CPQ: variants seen among roughly 807,000 people sequenced by gnomAD.
CPQ encodes the protein carboxypeptidase Q, also known as Ser-Met dipeptidase.
CPQ carries 37 observed loss-of-function variants against 45.7 expected under a neutral mutation model. That is an observed-to-expected ratio of 0.81 (90% CI 0.62 to 1.07). CPQ has a LOEUF of 1.07. CPQ is among the 50% of genes least tolerant of loss of function. The pLI is 0.00. For missense variants in CPQ, 537 were observed against 572.9 expected, an observed-to-expected ratio of 0.94 and a Z score of 0.64; for synonymous variants, 186 against 205.8, an observed-to-expected ratio of 0.90 and a Z score of 0.82.
chr8:97,111,473 G>A (rs1269844876), intron 7 of CPQ, among the ~76,000 whole-genome samples: 2 of 152,160 alleles, frequency 1.3e-5, no homozygotes, highest in Admixed American at 6.5e-5. Context: ...TACCCCAGAT[G>A]TCTGTGGCCA....
intron 1 of CPQ, among the ~76,000 whole-genome samples, chr8:96,668,685 G>T (rs1201365392): frequency 6.6e-6 from 1 of 152,082 alleles, no homozygotes; most frequent in Non-Finnish European, 1.5e-5. Flanking sequence ...AAAAACCCTT[G>T]ACATTATATA....
intron 3 of CPQ, among the ~76,000 whole-genome samples, chr8:96,870,449 G>C (rs1476657293): frequency 6.6e-6 from 1 of 151,914 alleles, no homozygotes; most frequent in African/African-American, 2.4e-5. Context: ...CATTTTTATT[G>C]CTACTAATAG....
chr8:97,096,054 G>GGAT (rs59275267), intron 7 of CPQ, among the ~76,000 whole-genome samples: 10,428 of 151,484 alleles, frequency 0.069, 425 homozygotes, highest in African/African-American at 0.099. Context: ...GTTGTGGTGG[G>GGAT]GATGATGATG....
At chr8:96,924,530 A>AT (rs143774648) in intron 4 of CPQ, among the ~76,000 whole-genome samples, 4,173 of 151,732 alleles carry the variant, frequency 0.028, 155 homozygotes, top group African/African-American at 0.084. Flanking sequence ...TTGTGCATTG[A>AT]TTTTTTTTTA....
intron 7 of CPQ, among the ~76,000 whole-genome samples, chr8:97,122,767 C>A (rs1333716178): frequency 1.3e-5 from 2 of 150,858 alleles, no homozygotes. Flanking sequence ...CACCTGTAAT[C>A]CCAGCTTCTC....
At chr8:96,664,855 C>T (rs1359935266) in intron 1 of CPQ, among the ~76,000 whole-genome samples, 1 of 152,196 alleles carries the variant, frequency 6.6e-6, no homozygotes, top group Non-Finnish European at 1.5e-5. Context: ...CATTGTACCG[C>T]ACACATGCTG....
intron 5 of CPQ, among the ~76,000 whole-genome samples, chr8:97,017,133 C>T (rs1429534379): frequency 1.3e-5 from 2 of 152,164 alleles, no homozygotes; most frequent in African/African-American, 2.4e-5. Flanking sequence ...GAACATATAT[C>T]CCCACTGGAG....
At chr8:97,134,706 C>T (rs916483555) in intron 7 of CPQ, among the ~76,000 whole-genome samples, 1 of 152,168 alleles carries the variant, frequency 6.6e-6, no homozygotes, top group Non-Finnish European at 1.5e-5. Context: ...GAAGAAGGTA[C>T]AGAGCATGGA....
chr8:96,804,429 T>TA (rs1586407509), intron 2 of CPQ, among the ~76,000 whole-genome samples: 1 of 152,204 alleles, frequency 6.6e-6, no homozygotes, highest in African/African-American at 2.4e-5. Flanking sequence ...TGTTGCTAAC[T>TA]AATGTGATTA....
chr8:96,709,164 A>G (rs62507275), intron 1 of CPQ, among the ~76,000 whole-genome samples: 213 of 152,250 alleles, frequency 1.4e-3, no homozygotes, highest in Non-Finnish European at 2.0e-3. Context: ...AATAAATTGT[A>G]CAGTAGTAAA....
At chr8:97,108,104 C>G (rs1392408658) in intron 7 of CPQ, among the ~76,000 whole-genome samples, 1 of 152,190 alleles carries the variant, frequency 6.6e-6, no homozygotes, top group Non-Finnish European at 1.5e-5. Context: ...CTTGCCAGTG[C>G]TGTTTCAGGT....
chr8:96,755,762 T>A (rs540893345), intron 1 of CPQ, among the ~76,000 whole-genome samples: 1 of 152,120 alleles, frequency 6.6e-6, no homozygotes, highest in African/African-American at 2.4e-5. Flanking sequence ...TATTTATCCT[T>A]ATAATAACTT....
intron 4 of CPQ, among the ~76,000 whole-genome samples, chr8:96,909,375 T>A (rs1471904183): frequency 2.0e-5 from 3 of 151,560 alleles, no homozygotes; most frequent in Non-Finnish European, 2.9e-5. Context: ...TAAAATGGAG[T>A]TAGAGGCTTT....
chr8:96,785,374 A>T (rs1810754733), intron 2 of CPQ, 44 bp downstream of exon 2: 1 of 1,464,660 alleles, frequency 6.8e-7, no homozygotes, highest in Non-Finnish European at 9.3e-7. Context: ...TATAAAACTA[A>T]TGTCCCTTGG....
intron 7 of CPQ, among the ~76,000 whole-genome samples, chr8:97,096,143 T>C (rs896562149): frequency 6.6e-6 from 1 of 152,166 alleles, no homozygotes; most frequent in Non-Finnish European, 1.5e-5. Flanking sequence ...TGTTTTCCAT[T>C]ATAATCTTAT....
At position 97,108,278 on chromosome 8, in the gene CPQ, G is replaced by A. The variant is rs181658919; in HGVS notation, c.1256-34742G>A. On this transcript the variant is annotated intron_variant, in intron 7 of 7. Transcript: ENST00000220763. ...ACAGAGAGACAATCATTTGTCAAGG[G>A]ACACATAACAACTCTGCTGCCATTT... is the stretch of plus-strand genomic sequence containing the variant. 1.6e-3 allele frequency among the ~76,000 whole-genome samples: 250 copies of A among 152,266 alleles called. 3 individuals are homozygous for A. The highest frequency in any genetic ancestry group is 0.013 in the Admixed American group (193 of 15,292).
At chr8:96,713,539 T>A (rs1333120579) in intron 1 of CPQ, among the ~76,000 whole-genome samples, 1 of 151,722 alleles carries the variant, frequency 6.6e-6, no homozygotes, top group Non-Finnish European at 1.5e-5. Context: ...AAGTGCAGAG[T>A]GAAGTGGGGA....
At chr8:97,005,088 CTT>C (rs537686336) in intron 5 of CPQ, among the ~76,000 whole-genome samples, 1 of 145,658 alleles carries the variant, frequency 6.9e-6, no homozygotes. Context: ...TATTTATGAT[CTT>C]TTTTTTTTTG....
chr8:96,783,378 G>C (rs904283750), intron 1 of CPQ, among the ~76,000 whole-genome samples: 4 of 151,940 alleles, frequency 2.6e-5, no homozygotes, highest in Admixed American at 1.3e-4. Context: ...CAAGAATGAG[G>C]GGCCACATCT....
Sources: allele counts gnomAD v4.1 joint callset (sites outside exome capture counted in the v4.1 genomes callset), GRCh38; gene constraint gnomAD v4.1.1; transcripts MANE v1.5; gene names NCBI Gene and HGNC (gene_info 2026-07-23, HGNC 2026-07-21).